Variants in DIS3L2 observed in about 807,000 individuals in gnomAD.
The protein encoded by DIS3L2 is DIS3-like exonuclease 2.
Under a neutral mutation model 97.5 loss-of-function variants are expected in DIS3L2, and 34 were observed. That is an observed-to-expected ratio of 0.35 (90% CI 0.27 to 0.46). The LOEUF (loss-of-function observed/expected upper bound fraction) is 0.46, where lower values mean the gene tolerates loss of function less well. Ranked by LOEUF, DIS3L2 falls within the 20% of genes least tolerant of loss-of-function variation. DIS3L2 has a pLI of 1.00. For missense variants in DIS3L2, 1,038 were observed against 1,146.0 expected (o/e 0.91, Z 1.36); for synonymous variants, 435 against 445.2 (o/e 0.98, Z 0.29).
At chr2:232,074,883 G>A (rs570124046) in intron 5 of DIS3L2, among the ~76,000 whole-genome samples, 6 of 152,194 alleles carry the variant, frequency 3.9e-5, no homozygotes, top group East Asian at 1.9e-4. Context: ...ACACCTGGCC[G>A]AGGAACCGTA....
At chr2:231,989,350 T>TGTGC (rs1166092656) in intron 1 of DIS3L2, among the ~76,000 whole-genome samples, 4 of 144,004 alleles carry the variant, frequency 2.8e-5, no homozygotes, top group African/African-American at 1.1e-4. Flanking sequence ...TGTGTGTGTG[T>TGTGC]GTGTGTGTGT....
chr2:232,110,691 C>T (rs1177424067), intron 6 of DIS3L2, among the ~76,000 whole-genome samples: 2 of 151,978 alleles, frequency 1.3e-5, no homozygotes, highest in African/African-American at 4.8e-5. Flanking sequence ...CACACCGGGG[C>T]CTGTCAGAGG....
At chr2:232,257,986 A>C (rs746270885) in intron 12 of DIS3L2, among the ~76,000 whole-genome samples, 2 of 152,184 alleles carry the variant, frequency 1.3e-5, no homozygotes, top group African/African-American at 2.4e-5. Context: ...CTGTTTTCTC[A>C]ACTGTAAAAT....
chr2:232,322,551 T>TG (rs894974796), intron 14 of DIS3L2, among the ~76,000 whole-genome samples: 15 of 152,232 alleles, frequency 9.9e-5, no homozygotes, highest in African/African-American at 3.6e-4. Context: ...CTTGTTTCCC[T>TG]GCAGACTTTA....
chr2:232,018,860 G>A (rs1246427709), intron 3 of DIS3L2, among the ~76,000 whole-genome samples: 2 of 152,030 alleles, frequency 1.3e-5, no homozygotes, highest in Non-Finnish European at 2.9e-5. Context: ...ACATGGTCAT[G>A]TACATGTAGT....
intron 14 of DIS3L2, among the ~76,000 whole-genome samples, chr2:232,319,382 G>A (rs1695365804): frequency 1.3e-5 from 2 of 152,362 alleles, no homozygotes; most frequent in South Asian, 4.1e-4. Flanking sequence ...CATGGCACAT[G>A]AGGAACTGGG....
intron 4 of DIS3L2, among the ~76,000 whole-genome samples, chr2:232,026,299 CACCTTCATAT>C (rs1694654276): frequency 6.6e-6 from 1 of 152,034 alleles, no homozygotes; most frequent in African/African-American, 2.4e-5. Context: ...TTGCCAAATA[CACCTTCATAT>C]ACCTGAGTTC....
intron 6 of DIS3L2, among the ~76,000 whole-genome samples, chr2:232,089,524 C>T (rs188072088): frequency 2.0e-5 from 3 of 152,288 alleles, no homozygotes; most frequent in Non-Finnish European, 2.9e-5. Context: ...CATGTATTTT[C>T]AGTGAGAAGA....
At position 232,188,118 on chromosome 2, in the gene DIS3L2, C is replaced by T. The variant is rs911169299; in HGVS notation, c.1125-22208C>T. Among the ~76,000 whole-genome samples the T allele has an allele frequency of 5.3e-5, 8 of 151,724 alleles. No individual in the cohort carries two copies. In the East Asian group the frequency reaches 1.4e-3, roughly 26 times the overall value. On this transcript the variant is annotated intron_variant, in intron 9 of 20. Transcript: ENST00000325385. ...TCGCGCCATAGCCCTCCGGCCTGGGCGACAGAGCAAGACTCTGTCTCAAAA... is the reference window on the plus strand; with the variant it reads ...TCGCGCCATAGCCCTCCGGCCTGGGTGACAGAGCAAGACTCTGTCTCAAAA...
intron 10 of DIS3L2, among the ~76,000 whole-genome samples, chr2:232,222,598 G>A (rs570235231): frequency 2.6e-5 from 4 of 152,204 alleles, no homozygotes; most frequent in African/African-American, 9.6e-5. Context: ...AACCTCCCTA[G>A]TAGCTGGGAC....
chr2:232,095,467 A>G (rs1390706640), intron 6 of DIS3L2, among the ~76,000 whole-genome samples: 5 of 152,002 alleles, frequency 3.3e-5, no homozygotes, highest in African/African-American at 1.2e-4. Context: ...TCATCCCCTC[A>G]CTTTTTAAGT....
rs775531488 is a variant in DIS3L2 at position 232,335,804 on chromosome 2, A to C, written c.2426A>C (p.Lys809Thr). The C allele has an allele frequency of 7.1e-6, 11 of 1,550,714 alleles. No individual in the cohort carries two copies. The highest frequency in any genetic ancestry group is 9.6e-6 in the Non-Finnish European group (11 of 1,147,014). ...ALALRSHHFQ[K>T]VGKKPELTLV... ...GCCCTGCGGTCCCACCACTTCCAGA[A>C]GGTGGGCAAGAAGCCGGAACTCACG... Residue 809 changes from lysine (K) to threonine (T), a missense_variant, in exon 20 of 21, where the codon AAG becomes ACG. Around this residue, in one of 3 missense-constraint regions of DIS3L2, gnomAD observed 221 missense variants for 246.9 expected, o/e 0.90. Coordinates refer to ENST00000325385, the MANE Select transcript of DIS3L2 (RefSeq NM_152383.5).
rs75595118 is a variant in DIS3L2, at chr2:232,010,990, G to A, written c.-93-3845G>A. Among the ~76,000 whole-genome samples, 613 of 152,296 alleles carry A rather than the reference G, an allele frequency of 4.0e-3. 1 individual carries two copies. The highest frequency in any genetic ancestry group is 0.014 in the African/African-American group (567 of 41,558). On this transcript the variant is annotated intron_variant, in intron 1 of 20. Coordinates refer to ENST00000325385, the MANE Select transcript of DIS3L2 (RefSeq NM_152383.5). ...GGAATACAGAGGTTCTCAAGACACC[G>A]TTTATTTCACCCAGAAGCCTTCTTC...
chr2:232,164,898 G>T (rs905855072), intron 9 of DIS3L2, among the ~76,000 whole-genome samples: 3 of 152,092 alleles, frequency 2.0e-5, no homozygotes, highest in Non-Finnish European at 4.4e-5. Context: ...AAATTGAGGG[G>T]TTTGTTTTCT....
intron 8 of DIS3L2, among the ~76,000 whole-genome samples, chr2:232,155,066 C>T (rs188980021): frequency 2.9e-3 from 431 of 150,706 alleles, no homozygotes; most frequent in African/African-American, 9.6e-3. Context: ...TCGGCTCGCG[C>T]ACGGTGAGCA....
At chr2:232,101,813 G>A (rs564883283) in intron 6 of DIS3L2, among the ~76,000 whole-genome samples, 2 of 152,278 alleles carry the variant, frequency 1.3e-5, no homozygotes, top group African/African-American at 4.8e-5. Context: ...CTAATAAATA[G>A]CAATATATAC....
At chr2:232,328,051 C>T (rs531572099) in intron 14 of DIS3L2, among the ~76,000 whole-genome samples, 1 of 152,296 alleles carries the variant, frequency 6.6e-6, no homozygotes, top group African/African-American at 2.4e-5. Context: ...GGCTTGAACA[C>T]AGGGTTTTTG....
chr2:231,976,984 G>T (rs1693116301), intron 1 of DIS3L2, among the ~76,000 whole-genome samples: 1 of 151,766 alleles, frequency 6.6e-6, no homozygotes, highest in Non-Finnish European at 1.5e-5. Context: ...AGCCAGGATG[G>T]TCTCTATCTC....
At chr2:232,342,220 CACAT>C (rs928396941) in intron 13 of DIS3L2, among the ~76,000 whole-genome samples, 72 of 147,340 alleles carry the variant, frequency 4.9e-4, no homozygotes, top group East Asian at 5.8e-4. Flanking sequence ...CACATATATA[CACAT>C]ACATATATAC....
Sources: gnomAD v4.1 joint callset for allele counts (sites outside exome capture counted in the v4.1 genomes callset) on GRCh38, gnomAD v4.1.1 for gene constraint, gnomAD v4.1.1 regional missense constraint, MANE v1.5 for transcripts, NCBI Gene and HGNC (gene_info 2026-07-23, HGNC 2026-07-21) for gene names.